Variants in ANTXR2 observed in about 807,000 individuals in gnomAD.
ANTXR2 encodes the protein anthrax toxin receptor 2.
In ANTXR2, 44 loss-of-function variants were observed where a neutral mutation model predicts 73.7. The observed-to-expected ratio is 0.60, with a 90% CI of 0.47 to 0.77. The LOEUF (loss-of-function observed/expected upper bound fraction) is 0.77, where lower values mean the gene tolerates loss of function less well. Ranked by LOEUF, ANTXR2 falls within the 30% of genes least tolerant of loss-of-function variation. The pLI is 0.00. For missense variants in ANTXR2, 604 were observed against 592.5 expected, an observed-to-expected ratio of 1.02 and a Z score of -0.20; for synonymous variants, 217 against 205.9, an observed-to-expected ratio of 1.05 and a Z score of -0.46.
intron 11 of ANTXR2, among the ~76,000 whole-genome samples, chr4:80,012,055 T>C (rs943011035): frequency 1.3e-5 from 2 of 152,340 alleles, no homozygotes; most frequent in Admixed American, 6.5e-5. Flanking sequence ...GAGGAATCAC[T>C]GGAAAGTTTC....
chr4:79,926,954 C>CAT (rs10674129), intron 16 of ANTXR2, among the ~76,000 whole-genome samples: 4 of 123,838 alleles, frequency 3.2e-5, no homozygotes, highest in East Asian at 2.3e-4. Context: ...TGTATATATA[C>CAT]GTGTGCATAT....
intron 10 of ANTXR2, among the ~76,000 whole-genome samples, chr4:80,019,876 T>C (rs1198682427): frequency 2.0e-5 from 3 of 152,158 alleles, no homozygotes; most frequent in Non-Finnish European, 2.9e-5. Flanking sequence ...TTTCAAATTA[T>C]AAAACAAGTA....
At chr4:79,958,303 C>T (rs1282384334) in intron 16 of ANTXR2, among the ~76,000 whole-genome samples, 2 of 151,990 alleles carry the variant, frequency 1.3e-5, no homozygotes, top group African/African-American at 4.8e-5. Context: ...TGAATATTAA[C>T]CCAAGGAAAT....
intron 9 of ANTXR2, among the ~76,000 whole-genome samples, chr4:80,032,265 C>G (rs1306404569): frequency 1.3e-5 from 2 of 151,780 alleles, no homozygotes; most frequent in African/African-American, 2.4e-5. Context: ...ATACCAATTT[C>G]ACTTATTTGA....
intron 16 of ANTXR2, among the ~76,000 whole-genome samples, chr4:79,954,849 C>A (rs192588604): frequency 5.3e-4 from 81 of 152,078 alleles, no homozygotes; most frequent in African/African-American, 1.9e-3. Flanking sequence ...GGTAAAAAGA[C>A]CACTTAATAA....
In ANTXR2 at chr4:80,072,504, C is replaced by T; in HGVS notation, c.57G>A (p.Leu19=). 6.2e-7 allele frequency: 1 copy of T among 1,607,018 alleles called. No homozygotes were observed. Among genetic ancestry groups the T allele is most frequent in the South Asian group, 1.1e-5 (1 of 90,182 alleles). ...RSPGSWLFPG[L]WLLVLSGPGG... ...CGGGACCGCTGAGCACCAACAGCCA[C>T]AGCCCGGGGAACAGCCAGCTCCCGG... Residue 19 remains leucine (L), a synonymous_variant, in exon 1 of 17, where the codon CTG becomes CTA. Coordinates refer to ENST00000403729, the MANE Select transcript of ANTXR2 (RefSeq NM_058172.6).
At chr4:79,989,249 A>G (rs146210739) in intron 12 of ANTXR2, among the ~76,000 whole-genome samples, 2 of 152,166 alleles carry the variant, frequency 1.3e-5, no homozygotes, top group Non-Finnish European at 2.9e-5. Flanking sequence ...ACCACTAACT[A>G]GATTAATAAA....
chr4:79,987,832 A>C lies in ANTXR2; in HGVS notation c.1042-2969T>G, dbSNP rs539085943. On this transcript the variant is annotated intron_variant, in intron 12 of 16. Transcript: ENST00000403729. ...CCTATATTCTGCAACTTTAAAGAAA[A>C]GAAACTTCAACCAAGAATTTCATAT... Among the ~76,000 whole-genome samples, 14 of 152,306 alleles carry C rather than the reference A, an allele frequency of 9.2e-5. No individual in the cohort carries two copies. In the East Asian group the frequency reaches 2.7e-3, roughly 29 times the overall value.
At chr4:79,974,497 C>T (rs1427934419) in intron 16 of ANTXR2, among the ~76,000 whole-genome samples, 1 of 152,002 alleles carries the variant, frequency 6.6e-6, no homozygotes, top group Non-Finnish European at 1.5e-5. Flanking sequence ...TTATCTATAT[C>T]TCTGAGGTTC....
chr4:79,909,655 A>AT (rs1727048128), intron 16 of ANTXR2, among the ~76,000 whole-genome samples: 1 of 151,864 alleles, frequency 6.6e-6, no homozygotes, highest in African/African-American at 2.4e-5. Flanking sequence ...CAAAAAAAAA[A>AT]AAATAAAGAA....
chr4:79,948,100 C>A (rs1248833361), intron 16 of ANTXR2, among the ~76,000 whole-genome samples: 1 of 152,068 alleles, frequency 6.6e-6, no homozygotes, highest in Non-Finnish European at 1.5e-5. Context: ...CGTTTCTTAA[C>A]CAGGATTCCA....
intron 16 of ANTXR2, among the ~76,000 whole-genome samples, chr4:79,975,367 T>A (rs1055343705): frequency 6.6e-5 from 10 of 152,242 alleles, no homozygotes; most frequent in African/African-American, 2.2e-4. Flanking sequence ...CTGCTGTTTG[T>A]TTCTACCCTT....
chr4:79,985,080 C>G (rs1730072832), intron 12 of ANTXR2, among the ~76,000 whole-genome samples: 1 of 151,850 alleles, frequency 6.6e-6, no homozygotes, highest in African/African-American at 2.4e-5. Context: ...CAGGTGCGGT[C>G]GCTCATGCCT....
chr4:79,964,613 T>C (rs1174324719), intron 16 of ANTXR2: 1 of 152,274 alleles, frequency 6.6e-6, no homozygotes, highest in Non-Finnish European at 1.5e-5. Context: ...AGATCTCTTA[T>C]TTGTGCCTAA....
At chr4:80,037,327 C>G (rs1180154952) in intron 7 of ANTXR2, among the ~76,000 whole-genome samples, 1 of 152,142 alleles carries the variant, frequency 6.6e-6, no homozygotes, top group East Asian at 1.9e-4. Context: ...AACAGCAAAA[C>G]TATAAGTTCT....
At chr4:80,013,325 G>A (rs1282228493) in intron 11 of ANTXR2, among the ~76,000 whole-genome samples, 1 of 152,192 alleles carries the variant, frequency 6.6e-6, no homozygotes, top group African/African-American at 2.4e-5. Flanking sequence ...GACCAGTTGT[G>A]AGAGACGGGC....
chr4:80,034,789 T>C (rs1205441639), intron 8 of ANTXR2, among the ~76,000 whole-genome samples: 3 of 152,198 alleles, frequency 2.0e-5, no homozygotes, highest in Non-Finnish European at 4.4e-5. Flanking sequence ...CTAAAACTTC[T>C]CATATCTAAC....
At chr4:79,994,560 G>A (rs1473022364) in intron 12 of ANTXR2, among the ~76,000 whole-genome samples, 1 of 127,320 alleles carries the variant, frequency 7.9e-6, no homozygotes, top group South Asian at 3.0e-4. Context: ...AATTTCTGAG[G>A]ACATAAATAG....
At chr4:79,926,868 T>A (rs1727799925) in intron 16 of ANTXR2, among the ~76,000 whole-genome samples, 1 of 152,032 alleles carries the variant, frequency 6.6e-6, no homozygotes, top group East Asian at 1.9e-4. Flanking sequence ...AATTGTGGCA[T>A]ATATATGTGT....
Sources: gnomAD v4.1 joint callset for allele counts (sites outside exome capture counted in the v4.1 genomes callset) on GRCh38, gnomAD v4.1.1 for gene constraint, MANE v1.5 for transcripts, NCBI Gene and HGNC (gene_info 2026-07-23, HGNC 2026-07-21) for gene names.